Variants in EMSY observed in about 807,000 individuals in gnomAD.
The protein encoded by EMSY is EMSY transcriptional repressor, BRCA2 interacting, also known as BRCA2-interacting transcriptional repressor EMSY.
Under a neutral mutation model 134.6 loss-of-function variants are expected in EMSY, and 26 were observed. That is an observed-to-expected ratio of 0.19 (90% CI 0.14 to 0.27). The LOEUF (loss-of-function observed/expected upper bound fraction) is 0.27. Among genes scored for constraint, EMSY ranks in the 10% least tolerant of loss-of-function variants. EMSY has a pLI of 1.00. For synonymous variants in EMSY, 579 were observed against 577.8 expected (o/e 1.00, Z -0.03); for missense variants, 1,305 against 1,611.4 (o/e 0.81, Z 3.26).
intron 6 of EMSY, among the ~76,000 whole-genome samples, chr11:76,462,607 T>G (rs1295397538): frequency 6.6e-6 from 1 of 152,208 alleles, no homozygotes; most frequent in African/African-American, 2.4e-5. Flanking sequence ...GGATGATGAT[T>G]GCAGAATGAT....
At chr11:76,512,055 G>C (rs1950297063) in intron 9 of EMSY, among the ~76,000 whole-genome samples, 1 of 152,118 alleles carries the variant, frequency 6.6e-6, no homozygotes, top group African/African-American at 2.4e-5. Flanking sequence ...AAATAGATCT[G>C]TTTGCTTCCT....
rs571279173 is a variant in EMSY, at chr11:76,534,429, T to C, written c.2195-1466T>C. 2.0e-5 allele frequency among the ~76,000 whole-genome samples: 3 copies of C among 152,312 alleles called. No homozygotes were observed. In the South Asian group the frequency reaches 6.2e-4, roughly 32 times the overall value. On this transcript the variant is annotated intron_variant, in intron 14 of 20. Coordinates refer to ENST00000334736, the Ensembl canonical transcript of EMSY. ...TCTGGGGAAGTTTAATGGAAAATTA[T>C]ATATCTTCATGTGGCATATATTCTA...
chr11:76,549,820 C>A, intron 20 of EMSY, 132 bp from the exon 22 acceptor site: 1 of 718,366 alleles, frequency 1.4e-6, no homozygotes, highest in Non-Finnish European at 2.3e-6. Flanking sequence ...TTGCACAGTG[C>A]CTGGCATGTA....
At chr11:76,465,333 C>T (rs2135208784) in intron 7 of EMSY, among the ~76,000 whole-genome samples, 1 of 152,262 alleles carries the variant, frequency 6.6e-6, no homozygotes, top group African/African-American at 2.4e-5. Context: ...TTGCCACTTA[C>T]TAGCTGCGTG....
At chr11:76,504,219 A>AT (rs1226612621) in intron 9 of EMSY, among the ~76,000 whole-genome samples, 1 of 151,340 alleles carries the variant, frequency 6.6e-6, no homozygotes, top group Admixed American at 6.6e-5. Context: ...AAACTGTACC[A>AT]TTTTACATTC....
At chr11:76,451,525 C>G (rs1947667909) in intron 2 of EMSY, among the ~76,000 whole-genome samples, 1 of 152,228 alleles carries the variant, frequency 6.6e-6, no homozygotes, top group African/African-American at 2.4e-5. Context: ...CTGAAAACGT[C>G]TCAGCCTTGT....
chr11:76,487,152 C>T (rs755624446), intron 8 of EMSY, among the ~76,000 whole-genome samples: 1 of 152,024 alleles, frequency 6.6e-6, no homozygotes, highest in Admixed American at 6.6e-5. Context: ...TGGTGGTGGG[C>T]GCCTGTAGTC....
At position 76,472,671 on chromosome 11, in the gene EMSY, T is replaced by C. The variant is rs780691761; in HGVS notation, c.939T>C (p.Ala313=). 5.6e-6 allele frequency: 9 copies of C among 1,614,208 alleles called. No individual in the cohort carries two copies. In the East Asian group the frequency reaches 1.8e-4, roughly 32 times the overall value. Residue 313 remains alanine, a synonymous_variant, in exon 8 of 21, where the codon GCT becomes GCC. Coordinates refer to ENST00000334736, the Ensembl canonical transcript of EMSY. ...AGCTTGTACCAACGTCAGTCATTGC[T>C]TCTACAACCCAGAAGCCACCAGTTG...
intron 14 of EMSY, among the ~76,000 whole-genome samples, chr11:76,532,057 AATATTG>A (rs1446045620): frequency 6.6e-6 from 1 of 152,174 alleles, no homozygotes; most frequent in African/African-American, 2.4e-5. Flanking sequence ...TTAGGCTTCC[AATATTG>A]CTTTGTACAT....
chr11:76,523,316 C>T (rs1408068221), intron 12 of EMSY, 25 bp downstream of exon 13: 1 of 1,598,550 alleles, frequency 6.3e-7, no homozygotes, highest in Non-Finnish European at 8.5e-7. Context: ...CAACTGCAGA[C>T]TTAGCAATTC....
intron 8 of EMSY, among the ~76,000 whole-genome samples, chr11:76,481,193 G>A (rs927302973): frequency 3.9e-5 from 6 of 152,036 alleles, no homozygotes; most frequent in Non-Finnish European, 7.4e-5. Context: ...ACAGGCGCCC[G>A]CCACCACGCC....
chr11:76,481,546 C>T (rs527365437), intron 8 of EMSY, among the ~76,000 whole-genome samples: 1 of 152,206 alleles, frequency 6.6e-6, no homozygotes, highest in Non-Finnish European at 1.5e-5. Flanking sequence ...CTGGGATGCT[C>T]AAGCTTGGTG....
At chr11:76,448,027 G>A (rs1221032328) in intron 2 of EMSY, among the ~76,000 whole-genome samples, 3 of 152,034 alleles carry the variant, frequency 2.0e-5, no homozygotes, top group Non-Finnish European at 4.4e-5. Flanking sequence ...TGTGACCAAG[G>A]ACAAGTTATT....
rs2136755251 is a variant in EMSY at position 76,544,430 on chromosome 11, C to T, written c.2881C>T (p.Gln961Ter). The T allele has an allele frequency of 6.2e-7, 1 of 1,614,078 alleles. No homozygotes were observed. Among genetic ancestry groups the T allele is most frequent in the Non-Finnish European group, 8.5e-7 (1 of 1,180,020 alleles). The change falls in exon 19 of 21, where the codon CAG becomes TAG. Residue 961 changes from glutamine (Q) to a stop codon, truncating the protein, a stop_gained. Transcript: ENST00000334736. LOFTEE classifies it high-confidence loss of function. ...GAAACTTAGCCAGCCCCCGCTGGAA[C>T]AGACTCAGCTGCAAGTGAAAACTCT...
chr11:76,531,656 G>C (rs1472893931), intron 14 of EMSY, among the ~76,000 whole-genome samples: 1 of 152,096 alleles, frequency 6.6e-6, no homozygotes, highest in Non-Finnish European at 1.5e-5. Context: ...TTCCCTTTCA[G>C]ATTAATTGTA....
chr11:76,510,145 A>G (rs1950222699), intron 9 of EMSY, among the ~76,000 whole-genome samples: 1 of 152,232 alleles, frequency 6.6e-6, no homozygotes, highest in Non-Finnish European at 1.5e-5. Context: ...GCTTGAAGCC[A>G]GAGTTCAAGA....
rs73493494 is a variant in EMSY at position 76,487,821 on chromosome 11, A to G, written c.1109-8394A>G. On this transcript the variant is annotated intron_variant, in intron 8 of 20. Transcript: ENST00000334736. ...CCTATGGAGATATTCCCAAATCTGG[A>G]AAAGATTCAAAATATGAAACACTTA... Among the ~76,000 whole-genome samples the G allele has an allele frequency of 2.0e-3, 299 of 152,380 alleles. 5 individuals are homozygous for G. Among genetic ancestry groups the G allele is most frequent in the African/African-American group, 6.8e-3 (282 of 41,598 alleles).
exon 8 of EMSY, chr11:76,472,735 A>G (rs146548337): frequency 2.5e-6 from 4 of 1,614,180 alleles, no homozygotes; most frequent in Non-Finnish European, 3.4e-6. Context: ...CAGTAATAGC[A>G]GCAGTGGCAG....
chr11:76,540,942 A>C (rs1033848475), intron 17 of EMSY, among the ~76,000 whole-genome samples: 4 of 152,322 alleles, frequency 2.6e-5, no homozygotes, highest in Admixed American at 1.3e-4. Context: ...GTTGAAGTTG[A>C]GGCCAAGTGT....
Sources: allele counts gnomAD v4.1 joint callset (sites outside exome capture counted in the v4.1 genomes callset), GRCh38; gene constraint gnomAD v4.1.1; transcripts MANE v1.5; gene names NCBI Gene and HGNC (gene_info 2026-07-23, HGNC 2026-07-21).